C1QTNF3: variants seen among roughly 807,000 people sequenced by gnomAD.
C1QTNF3 encodes the protein complement C1q tumor necrosis factor-related protein 3.
A neutral mutation model predicts 32.6 loss-of-function variants in C1QTNF3; 26 were observed. That is an observed-to-expected ratio of 0.80 (90% CI 0.58 to 1.11). C1QTNF3 has a LOEUF of 1.11. Ranked by LOEUF, C1QTNF3 falls within the 50% of genes least tolerant of loss-of-function variation. The pLI is 0.00. For missense variants in C1QTNF3, 362 were observed against 398.2 expected (o/e 0.91, Z 0.77); for synonymous variants, 155 against 146.0 (o/e 1.06, Z -0.44).
chr5:34,035,665 C>A lies in C1QTNF3; in HGVS notation c.397G>T (p.Gly133Cys). 1.2e-6 allele frequency: 2 copies of A among 1,610,970 alleles called. No homozygotes were observed. Among genetic ancestry groups the A allele is most frequent in the Non-Finnish European group, 8.5e-7 (1 of 1,178,802 alleles). The change falls in exon 2 of 6, where the codon GGC becomes TGC. Residue 133 changes from glycine to cysteine, a missense_variant. Gly to Cys is a radical substitution (Grantham distance 159, BLOSUM62 -3). Transcript: ENST00000382065. ...TCCTTACCTGGAATGCCAGGAGGGC[C>A]CGGTGGCCCAGGGGGGCCTTGGTAG... ...RGYQGPPGPP[G>C]PPGIPGNHGN...
the C1QTNF3 span, among the ~76,000 whole-genome samples, chr5:34,175,151 C>T: frequency 0.42 from 62,505 of 150,364 alleles, 15,044 homozygotes; most frequent in Non-Finnish European, 0.53. Context: ...TCAGGCTATC[C>T]GCCTGCCTCA....
chr5:34,213,961 A>G, the C1QTNF3 span, among the ~76,000 whole-genome samples: 9 of 148,512 alleles, frequency 6.1e-5, no homozygotes, highest in South Asian at 1.1e-3. Flanking sequence ...ACAGGGGCCA[A>G]CCACCACACC....
chr5:34,044,258 A>C (rs561217583), upstream of C1QTNF3, among the ~76,000 whole-genome samples: 1 of 152,364 alleles, frequency 6.6e-6, no homozygotes, highest in East Asian at 1.9e-4. Flanking sequence ...AAGAGAATTT[A>C]AACAGTTTTG....
chr5:34,223,066 T>C, the C1QTNF3 span, among the ~76,000 whole-genome samples: 1 of 151,784 alleles, frequency 6.6e-6, no homozygotes, highest in Non-Finnish European at 1.5e-5. Context: ...ATGTGCACAA[T>C]GTGCAGGTTA....
the C1QTNF3 span, among the ~76,000 whole-genome samples, chr5:34,068,355 C>T: frequency 6.6e-6 from 1 of 151,916 alleles, no homozygotes; most frequent in Non-Finnish European, 1.5e-5. Context: ...ATTCTACAGC[C>T]TGAAAAACTA....
At chr5:34,113,824 T>C in the C1QTNF3 span, among the ~76,000 whole-genome samples, 3 of 152,132 alleles carry the variant, frequency 2.0e-5, no homozygotes, top group Non-Finnish European at 4.4e-5. Flanking sequence ...TTCTTAGTTA[T>C]AAAATATTTT....
the C1QTNF3 span, among the ~76,000 whole-genome samples, chr5:34,170,541 G>A: frequency 6.6e-6 from 1 of 152,032 alleles, no homozygotes; most frequent in African/African-American, 2.4e-5. Flanking sequence ...GGGGGTGTTT[G>A]CATATGTTTA....
chr5:34,143,475 A>G, the C1QTNF3 span, among the ~76,000 whole-genome samples: 1 of 152,158 alleles, frequency 6.6e-6, no homozygotes, highest in East Asian at 1.9e-4. Flanking sequence ...CAAGGCTCAA[A>G]ATTAGATTCA....
At chr5:34,156,282 G>T in the C1QTNF3 span, among the ~76,000 whole-genome samples, 2 of 152,090 alleles carry the variant, frequency 1.3e-5, no homozygotes, top group African/African-American at 4.8e-5. Context: ...TGTTAGCCAG[G>T]CTGGTCTCAA....
the C1QTNF3 span, among the ~76,000 whole-genome samples, chr5:34,195,083 A>T: frequency 6.6e-6 from 1 of 151,474 alleles, no homozygotes; most frequent in Non-Finnish European, 1.5e-5. Flanking sequence ...CATATTATAT[A>T]TTTGAAAATA....
At chr5:34,176,897 A>C in the C1QTNF3 span, among the ~76,000 whole-genome samples, 1 of 151,932 alleles carries the variant, frequency 6.6e-6, no homozygotes, top group African/African-American at 2.4e-5. Context: ...GAAAAATGAA[A>C]TTAAACTAAA....
upstream of C1QTNF3, among the ~76,000 whole-genome samples, chr5:34,045,231 T>C (rs1754968007): frequency 6.6e-6 from 1 of 152,244 alleles, no homozygotes; most frequent in South Asian, 2.1e-4. Context: ...TCTGACTTTC[T>C]ACCGCATTGA....
the C1QTNF3 span, among the ~76,000 whole-genome samples, chr5:34,072,315 G>C: frequency 7.4e-5 from 11 of 147,940 alleles, no homozygotes; most frequent in Middle Eastern, 3.4e-3. Flanking sequence ...GTTTACATCT[G>C]TAAGAGTTCC....
chr5:34,054,818 T>C, the C1QTNF3 span, among the ~76,000 whole-genome samples: 15 of 152,226 alleles, frequency 9.9e-5, no homozygotes, highest in Non-Finnish European at 1.3e-4. Context: ...CATCTGTCCA[T>C]GTTTTTTATC....
the C1QTNF3 span, among the ~76,000 whole-genome samples, chr5:34,161,840 T>C: frequency 1.6e-4 from 24 of 152,198 alleles, no homozygotes; most frequent in African/African-American, 5.8e-4. Context: ...ACTGATGCTA[T>C]ACATTAGTTG....
the C1QTNF3 span, among the ~76,000 whole-genome samples, chr5:34,064,504 G>A: frequency 6.6e-6 from 1 of 152,152 alleles, no homozygotes. Context: ...GGAACCCAGC[G>A]ACCAGTGTTC....
At chr5:34,201,014 A>G in the C1QTNF3 span, 9 of 152,106 alleles carry the variant, frequency 5.9e-5, no homozygotes, top group Non-Finnish European at 1.3e-4. Context: ...CTTTGTCTTT[A>G]TAATCATTAT....
chr5:34,072,078 G>T, the C1QTNF3 span, among the ~76,000 whole-genome samples: 284 of 152,104 alleles, frequency 1.9e-3, 2 homozygotes, highest in African/African-American at 6.4e-3. Flanking sequence ...TATAATTAAA[G>T]ATTTATATCA....
At chr5:34,204,118 G>C in the C1QTNF3 span, among the ~76,000 whole-genome samples, 147 of 152,086 alleles carry the variant, frequency 9.7e-4, 1 homozygote, top group African/African-American at 3.3e-3. Context: ...TTATCATCAA[G>C]ACAGAAAACA....
Sources: allele counts gnomAD v4.1 joint callset (sites outside exome capture counted in the v4.1 genomes callset), GRCh38; gene constraint gnomAD v4.1.1; transcripts MANE v1.5; gene names NCBI Gene and HGNC (gene_info 2026-07-23, HGNC 2026-07-21).